The following ANKS1B variants were observed in gnomAD, a reference collection of about 807,000 sequenced individuals.
The protein encoded by ANKS1B is ankyrin repeat and sterile alpha motif domain-containing protein 1B.
Under a neutral mutation model 148.3 loss-of-function variants are expected in ANKS1B, and 36 were observed. The ratio of observed to expected loss-of-function variants is 0.24; its 90% CI spans 0.19 to 0.32. ANKS1B has a LOEUF of 0.32. Ranked by LOEUF, ANKS1B falls within the 10% of genes least tolerant of loss-of-function variation. The pLI is 1.00. For missense variants in ANKS1B, 1,157 were observed against 1,542.6 expected, an observed-to-expected ratio of 0.75 and a Z score of 4.19; for synonymous variants, 542 against 560.8, an observed-to-expected ratio of 0.97 and a Z score of 0.47.
chr12:99,115,787 C>T (rs183948608), intron 15 of ANKS1B, among the ~76,000 whole-genome samples: 11 of 152,028 alleles, frequency 7.2e-5, no homozygotes, highest in Admixed American at 2.0e-4. Context: ...ACAAAATTAG[C>T]CAGCTGTGGT....
At chr12:98,855,039 G>C (rs1189879981) in intron 17 of ANKS1B, among the ~76,000 whole-genome samples, 2 of 151,862 alleles carry the variant, frequency 1.3e-5, no homozygotes, top group Non-Finnish European at 1.5e-5. Context: ...GGCGCCTGTA[G>C]TCCTAGCTAC....
At chr12:99,932,259 G>A (rs529672767) in intron 1 of ANKS1B, among the ~76,000 whole-genome samples, 1 of 152,238 alleles carries the variant, frequency 6.6e-6, no homozygotes, top group African/African-American at 2.4e-5. Context: ...TTGATATATT[G>A]ATTTCTTTTC....
At chr12:99,634,292 G>A (rs546456459) in intron 9 of ANKS1B, among the ~76,000 whole-genome samples, 2 of 152,160 alleles carry the variant, frequency 1.3e-5, no homozygotes, top group South Asian at 4.1e-4. Flanking sequence ...TTTATAAGAA[G>A]AGGAAGAGAG....
chr12:98,849,109 T>A (rs2099505955), intron 17 of ANKS1B, among the ~76,000 whole-genome samples: 1 of 152,202 alleles, frequency 6.6e-6, no homozygotes, highest in Non-Finnish European at 1.5e-5. Flanking sequence ...AAATGATTGT[T>A]TGCCATAGAA....
chr12:99,072,868 C>A (rs955109255), intron 16 of ANKS1B, among the ~76,000 whole-genome samples: 1 of 152,174 alleles, frequency 6.6e-6, no homozygotes, highest in African/African-American at 2.4e-5. Context: ...CCTTGTAAGT[C>A]TTGCTTCCTA....
intron 8 of ANKS1B, among the ~76,000 whole-genome samples, chr12:99,728,411 G>A (rs973797548): frequency 1.7e-4 from 26 of 152,160 alleles, no homozygotes; most frequent in South Asian, 1.2e-3. Flanking sequence ...AATGCAAATC[G>A]AAACTACAGT....
chr12:99,260,661 TA>T (rs2153981593), intron 12 of ANKS1B, among the ~76,000 whole-genome samples: 1 of 152,340 alleles, frequency 6.6e-6, no homozygotes, highest in Non-Finnish European at 1.5e-5. Context: ...TTTGGTGCTA[TA>T]GCCATGGCAA....
chr12:99,578,067 T>G (rs929417150), intron 9 of ANKS1B, among the ~76,000 whole-genome samples: 1 of 152,152 alleles, frequency 6.6e-6, no homozygotes, highest in Non-Finnish European at 1.5e-5. Context: ...TAGTTCAATA[T>G]GCACAAATCA....
chr12:99,778,233 C>T (rs1332441266), intron 6 of ANKS1B, among the ~76,000 whole-genome samples: 3 of 151,504 alleles, frequency 2.0e-5, no homozygotes, highest in Admixed American at 1.3e-4. Context: ...AGAGGCTGGG[C>T]GCTGTGGCTC....
At chr12:99,169,149 A>T (rs888916507) in intron 14 of ANKS1B, among the ~76,000 whole-genome samples, 6 of 152,166 alleles carry the variant, frequency 3.9e-5, no homozygotes, top group Admixed American at 3.3e-4. Flanking sequence ...ATATCCATGT[A>T]CTTGTGGAAT....
chr12:99,883,617 A>T (rs1095786), intron 1 of ANKS1B, among the ~76,000 whole-genome samples: 5 of 143,978 alleles, frequency 3.5e-5, no homozygotes, highest in African/African-American at 1.0e-4. Context: ...GACTTGGGGC[A>T]GGGGGGAATC....
chr12:99,648,639 A>G (rs2098396774), intron 9 of ANKS1B: 4 of 1,614,180 alleles, frequency 2.5e-6, no homozygotes, highest in Non-Finnish European at 2.5e-6. Flanking sequence ...TGTGTCCTCC[A>G]TCGGATGCAA....
At chr12:99,189,328 C>T (rs754715951) in intron 14 of ANKS1B, among the ~76,000 whole-genome samples, 2 of 152,142 alleles carry the variant, frequency 1.3e-5, no homozygotes, top group Non-Finnish European at 2.9e-5. Context: ...AGGGACTCCA[C>T]CCTAACTCAT....
intron 25 of ANKS1B, among the ~76,000 whole-genome samples, chr12:98,767,584 G>C (rs1370017493): frequency 6.6e-6 from 1 of 152,220 alleles, no homozygotes; most frequent in Non-Finnish European, 1.5e-5. Context: ...CTTTTCAGAG[G>C]AGTGAGAATT....
chr12:99,795,033 A>C (rs1324175631), intron 4 of ANKS1B, among the ~76,000 whole-genome samples: 1 of 151,914 alleles, frequency 6.6e-6, no homozygotes, highest in Admixed American at 6.6e-5. Flanking sequence ...AAGAAGGTAA[A>C]AAAGAAATAA....
intron 8 of ANKS1B, among the ~76,000 whole-genome samples, chr12:99,749,791 CTTCAGAAAGAGTG>C (rs1449856462): frequency 4.6e-5 from 7 of 152,030 alleles, no homozygotes; most frequent in Admixed American, 2.0e-4. Flanking sequence ...GAAGCTAGTG[CTTCAGAAAGAGTG>C]TCTCAGGGTT....
At chr12:99,857,606 T>C (rs2089367005) in intron 1 of ANKS1B, among the ~76,000 whole-genome samples, 1 of 152,054 alleles carries the variant, frequency 6.6e-6, no homozygotes, top group East Asian at 1.9e-4. Flanking sequence ...AGAACATACC[T>C]GGAGGCATCA....
At chr12:99,633,047 T>C (rs1456652446) in intron 9 of ANKS1B, among the ~76,000 whole-genome samples, 1 of 151,090 alleles carries the variant, frequency 6.6e-6, no homozygotes, top group African/African-American at 2.4e-5. Context: ...CTGAGAATGA[T>C]GGTTTCCAGC....
chr12:99,290,116 C>T (rs867824865), intron 12 of ANKS1B, among the ~76,000 whole-genome samples: 28 of 151,754 alleles, frequency 1.8e-4, no homozygotes, highest in South Asian at 1.0e-3. Context: ...TTCAAATGAT[C>T]GTTAGAGAAT....
Sources: allele counts gnomAD v4.1 joint callset (sites outside exome capture counted in the v4.1 genomes callset), GRCh38; gene constraint gnomAD v4.1.1; transcripts MANE v1.5; gene names NCBI Gene and HGNC (gene_info 2026-07-23, HGNC 2026-07-21).